The following KCTD3 variants were observed in gnomAD, a reference collection of about 807,000 sequenced individuals.
KCTD3 encodes potassium channel tetramerization domain containing 3.
A neutral mutation model predicts 85.8 loss-of-function variants in KCTD3; 41 were observed. The observed-to-expected ratio is 0.48, with a 90% CI of 0.37 to 0.62. The LOEUF (loss-of-function observed/expected upper bound fraction) is 0.62. KCTD3 is among the 20% of genes least tolerant of loss of function. The probability of loss-of-function intolerance (pLI) is 0.00; values close to 1 mark genes in which losing one functional copy is unlikely to be tolerated. For missense variants in KCTD3, 724 were observed against 989.9 expected (o/e 0.73, Z 3.60); for synonymous variants, 338 against 345.4 (o/e 0.98, Z 0.24).
intron 8 of KCTD3, among the ~76,000 whole-genome samples, chr1:215,580,577 T>C (rs540037586): frequency 2.0e-5 from 3 of 152,046 alleles, no homozygotes. Context: ...GATTTTTTTT[T>C]TTTTAATTGG....
intron 1 of KCTD3, among the ~76,000 whole-genome samples, chr1:215,568,883 A>C (rs1571866491): frequency 6.6e-6 from 1 of 152,204 alleles, no homozygotes; most frequent in East Asian, 1.9e-4. Flanking sequence ...GATAATTTAC[A>C]ACGTTATTGC....
At chr1:215,595,604 A>T (rs575544454) in intron 10 of KCTD3, 133 bp downstream of exon 10, 1 of 569,484 alleles carries the variant, frequency 1.8e-6, no homozygotes, top group Non-Finnish European at 3.1e-6. Context: ...GTAGTGGTAA[A>T]TTTTTTTGCT....
chr1:215,594,159 C>T (rs1238573627), intron 9 of KCTD3, among the ~76,000 whole-genome samples: 3 of 151,890 alleles, frequency 2.0e-5, no homozygotes, highest in Non-Finnish European at 4.4e-5. Context: ...CATGCCCGGC[C>T]GATTATAACA....
intron 10 of KCTD3, among the ~76,000 whole-genome samples, chr1:215,597,801 G>A (rs1019624615): frequency 1.3e-5 from 2 of 151,986 alleles, no homozygotes; most frequent in African/African-American, 4.8e-5. Flanking sequence ...TTCTGTGTGT[G>A]TGATAGGTTT....
In KCTD3 at chr1:215,567,728, G is replaced by T. The variant is rs890223032; in HGVS notation, c.43G>T (p.Gly15Cys). The stretch of plus-strand genomic sequence containing the variant: ...CGGCAGCTTCCCCGCGGCGGCGGCC[G>T]GCAGCGGCGAGATCGTCCAACTGAA... ...HCGSFPAAAA[G>C]SGEIVQLNVG... Residue 15 changes from glycine to cysteine, a missense_variant, in exon 1 of 18, where the codon GGC becomes TGC. Coordinates refer to ENST00000259154, the MANE Select transcript of KCTD3 (RefSeq NM_016121.5). The T allele has an allele frequency of 6.4e-6, 8 of 1,243,744 alleles. No homozygotes were observed. Among genetic ancestry groups the T allele is most frequent in the Non-Finnish European group, 8.1e-6 (8 of 988,226 alleles). The allele number at this position is 1,243,744 out of a possible 1,614,324, so 77.0% of individuals were successfully genotyped here.
chr1:215,600,852 G>T (rs1482631735), intron 10 of KCTD3, among the ~76,000 whole-genome samples: 1 of 152,184 alleles, frequency 6.6e-6, no homozygotes, highest in Non-Finnish European at 1.5e-5. Context: ...GGCTTGTCTG[G>T]CCTGGCTGTA....
At chr1:215,619,539 G>C (rs1044207035) in intron 17 of KCTD3, among the ~76,000 whole-genome samples, 1 of 152,120 alleles carries the variant, frequency 6.6e-6, no homozygotes, top group Non-Finnish European at 1.5e-5. Context: ...AGCCTATTAT[G>C]TGATCAAGAA....
At chr1:215,587,408 C>T (rs1660050832) in intron 9 of KCTD3, among the ~76,000 whole-genome samples, 2 of 152,094 alleles carry the variant, frequency 1.3e-5, no homozygotes, top group African/African-American at 2.4e-5. Flanking sequence ...GAATTACAGG[C>T]GTGAGCCACC....
chr1:215,578,041 T>C lies in KCTD3; in HGVS notation c.357T>C (p.Ser119=). The C allele has an allele frequency of 6.2e-7, 1 of 1,612,738 alleles. No individual in the cohort carries two copies. Among genetic ancestry groups the C allele is most frequent in the Non-Finnish European group, 8.5e-7 (1 of 1,179,298 alleles). ...LLLCEELERS[S]CGSVLFHGYL... is the part of the protein sequence containing the mutation. ...TATGTGAAGAATTGGAGCGTTCCTC[T>C]TGTGGCAGTGTCCTTTTTCATGGTT... The change falls in exon 6 of 18, where the codon TCT becomes TCC. Residue 119 remains serine (S), a synonymous_variant. Coordinates refer to ENST00000259154, the MANE Select transcript of KCTD3 (RefSeq NM_016121.5).
At position 215,567,647 on chromosome 1, in the gene KCTD3, G is replaced by T. The variant is rs1484460406; in HGVS notation, c.-39G>T. On this transcript the variant is annotated 5_prime_UTR_variant, in exon 1 of 18. Coordinates refer to ENST00000259154, the MANE Select transcript of KCTD3 (RefSeq NM_016121.5). ...AGCCCCGGGCTCGGCGGTCCCGGCT[G>T]GGGAAGGAGGGCGGCGAGCGCGTCC... 120 of 1,201,850 alleles carry T rather than the reference G, an allele frequency of 1.0e-4. No homozygotes were observed. The East Asian group carries it at 2.7e-3, about 27-fold the overall frequency. The allele number at this position is 1,201,850 out of a possible 1,614,324, so 74.4% of individuals were successfully genotyped here.
intron 9 of KCTD3, among the ~76,000 whole-genome samples, chr1:215,590,389 T>A (rs1355276202): frequency 6.6e-6 from 1 of 152,164 alleles, no homozygotes; most frequent in African/African-American, 2.4e-5. Flanking sequence ...TCTAGAGACA[T>A]TTTTGGTTGA....
chr1:215,589,291 G>T (rs997782775), intron 9 of KCTD3, among the ~76,000 whole-genome samples: 1 of 151,838 alleles, frequency 6.6e-6, no homozygotes, highest in Non-Finnish European at 1.5e-5. Flanking sequence ...CTACAGGCAG[G>T]CACCACCACG....
chr1:215,612,030 T>C, intron 15 of KCTD3, 109 bp downstream of exon 15: 2 of 705,022 alleles, frequency 2.8e-6, no homozygotes, highest in Non-Finnish European at 5.1e-6. Context: ...AAACAAATTG[T>C]TGGGACAGAA....
At chr1:215,584,315 T>C (rs1273176840) in intron 8 of KCTD3, among the ~76,000 whole-genome samples, 2 of 152,248 alleles carry the variant, frequency 1.3e-5, no homozygotes, top group Non-Finnish European at 2.9e-5. Flanking sequence ...GAAATCATGG[T>C]AGGACTGATT....
chr1:215,614,252 C>T lies in KCTD3; in HGVS notation c.1562+2331C>T, dbSNP rs769579701. Among the ~76,000 whole-genome samples, 7 of 151,792 alleles carry T rather than the reference C, an allele frequency of 4.6e-5. No homozygotes were observed. The South Asian group carries it at 6.2e-4, about 13-fold the overall frequency. ...TTCACTGTGTTAGCCAGGATGGTCT[C>T]GATCTCCTGACCTCATGATCCGCTC... On this transcript the variant is annotated intron_variant, in intron 15 of 17. Coordinates refer to ENST00000259154, the MANE Select transcript of KCTD3 (RefSeq NM_016121.5).
At chr1:215,618,719 T>C (rs1413790274) in intron 15 of KCTD3, 167 bp from the exon 16 acceptor site, 4 of 585,940 alleles carry the variant, frequency 6.8e-6, no homozygotes, top group Non-Finnish European at 1.2e-5. Context: ...TGTATATTTT[T>C]TCTGGTTTCA....
intron 9 of KCTD3, among the ~76,000 whole-genome samples, chr1:215,589,646 A>G (rs1351689608): frequency 6.6e-6 from 1 of 152,226 alleles, no homozygotes; most frequent in Non-Finnish European, 1.5e-5. Context: ...TTTTGTCACC[A>G]TAGATTAGGT....
intron 12 of KCTD3, 151 bp from the exon 13 acceptor site, chr1:215,603,981 C>G (rs1654923188): frequency 3.6e-6 from 2 of 555,876 alleles, no homozygotes; most frequent in Non-Finnish European, 6.2e-6. Flanking sequence ...CCGGAGAAGT[C>G]TTAAGATTTT....
intron 8 of KCTD3, chr1:215,581,205 C>T (rs149700897): frequency 4.2e-4 from 80 of 188,288 alleles, no homozygotes; most frequent in African/African-American, 1.9e-3. Flanking sequence ...GATAGCTCAC[C>T]ATTGTACTCC....
Sources: gnomAD v4.1 joint callset for allele counts (sites outside exome capture counted in the v4.1 genomes callset) on GRCh38, gnomAD v4.1.1 for gene constraint, MANE v1.5 for transcripts, NCBI Gene and HGNC (gene_info 2026-07-23, HGNC 2026-07-21) for gene names.